PAX5: variants seen among roughly 807,000 people sequenced by gnomAD.
PAX5 encodes the protein paired box protein Pax-5.
Under a neutral mutation model 43.7 loss-of-function variants are expected in PAX5, and 9 were observed. That is an observed-to-expected ratio of 0.21 (90% CI 0.12 to 0.36). The LOEUF (loss-of-function observed/expected upper bound fraction) is 0.36, where lower values mean the gene tolerates loss of function less well. Among genes scored for constraint, PAX5 ranks in the 10% least tolerant of loss-of-function variants. The probability of loss-of-function intolerance (pLI) is 1.00; values close to 1 mark genes in which losing one functional copy is unlikely to be tolerated. For synonymous variants in PAX5, 228 were observed against 214.3 expected, an observed-to-expected ratio of 1.06 and a Z score of -0.56; for missense variants, 383 against 532.7, an observed-to-expected ratio of 0.72 and a Z score of 2.77.
At chr9:37,023,731 C>T (rs914229284) in intron 1 of PAX5, among the ~76,000 whole-genome samples, 1 of 152,076 alleles carries the variant, frequency 6.6e-6, no homozygotes, top group Admixed American at 6.5e-5. Flanking sequence ...ACTTTGCTGA[C>T]TCAGCCACAG....
chr9:36,921,628 A>T (rs1308076620), intron 7 of PAX5, among the ~76,000 whole-genome samples: 2 of 152,232 alleles, frequency 1.3e-5, no homozygotes, highest in Non-Finnish European at 2.9e-5. Flanking sequence ...AAGTGAGTTC[A>T]CTTAGCACAG....
chr9:36,887,210 T>C (rs1416859482), intron 7 of PAX5, among the ~76,000 whole-genome samples: 1 of 152,166 alleles, frequency 6.6e-6, no homozygotes. Flanking sequence ...AAACATTCTA[T>C]GAAGTCTTTA....
chr9:36,900,355 C>T (rs1396272078), intron 7 of PAX5, among the ~76,000 whole-genome samples: 1 of 152,170 alleles, frequency 6.6e-6, no homozygotes, highest in African/African-American at 2.4e-5. Flanking sequence ...TTGTGTGAAC[C>T]AAAGGGTCTG....
In PAX5 at chr9:37,003,047, C is replaced by T. The variant is rs751307144; in HGVS notation, c.476-271G>A. 7.3e-5 allele frequency among the ~76,000 whole-genome samples: 11 copies of T among 150,884 alleles called. 1 individual carries two copies. In the Admixed American group the frequency reaches 7.3e-4, roughly 10 times the overall value. ...CCCTGCAGAAAGGAACACGGGGACACGGGGACAGGAAGGGCTTTCGCTTAA... is the reference window on the plus strand; with the variant it reads ...CCCTGCAGAAAGGAACACGGGGACATGGGGACAGGAAGGGCTTTCGCTTAA... On this transcript the variant is annotated intron_variant, in intron 4 of 9. Coordinates refer to ENST00000358127, the MANE Select transcript of PAX5 (RefSeq NM_016734.3).
chr9:37,027,484 C>A (rs980501817), intron 1 of PAX5, among the ~76,000 whole-genome samples: 1 of 152,244 alleles, frequency 6.6e-6, no homozygotes, highest in Non-Finnish European at 1.5e-5. Flanking sequence ...CCGGGACGGC[C>A]GCCGTGCCTG....
intron 8 of PAX5, among the ~76,000 whole-genome samples, chr9:36,878,560 G>A (rs1214052462): frequency 6.6e-6 from 1 of 152,220 alleles, no homozygotes; most frequent in Non-Finnish European, 1.5e-5. Flanking sequence ...ACTGATGGGT[G>A]AGAGTCCAAG....
intron 6 of PAX5, 82 bp from the exon 7 acceptor site, chr9:36,923,566 CCACCAAGCTGAG>C: frequency 1.3e-6 from 2 of 1,509,490 alleles, no homozygotes; most frequent in African/African-American, 1.4e-5. Flanking sequence ...CTGAGCTCAG[CCACCAAGCTGAG>C]TTAGTCCATG....
chr9:36,938,927 CCT>C (rs1563988643), intron 6 of PAX5, among the ~76,000 whole-genome samples: 1 of 152,222 alleles, frequency 6.6e-6, no homozygotes, highest in Admixed American at 6.5e-5. Flanking sequence ...CCCAGACCCT[CCT>C]CTCTCAGCCA....
At chr9:36,927,074 G>A (rs779728401) in intron 6 of PAX5, among the ~76,000 whole-genome samples, 6 of 152,148 alleles carry the variant, frequency 3.9e-5, no homozygotes, top group South Asian at 2.1e-4. Flanking sequence ...ATAGTTAGAG[G>A]GGGTGCAAGC....
intron 2 of PAX5, 32 bp downstream of exon 2, chr9:37,020,604 G>C: frequency 2.5e-6 from 4 of 1,609,554 alleles, no homozygotes; most frequent in Non-Finnish European, 3.4e-6. Flanking sequence ...TTATTTGAAA[G>C]ATCAAGGGAA....
chr9:36,955,584 T>C (rs1229515274), intron 6 of PAX5, among the ~76,000 whole-genome samples: 1 of 151,970 alleles, frequency 6.6e-6, no homozygotes, highest in Non-Finnish European at 1.5e-5. Flanking sequence ...CACTCCTATA[T>C]ATCACACAAT....
intron 8 of PAX5, among the ~76,000 whole-genome samples, chr9:36,852,010 G>A (rs980797250): frequency 6.6e-6 from 1 of 152,144 alleles, no homozygotes; most frequent in Non-Finnish European, 1.5e-5. Context: ...TGTGGCTTTG[G>A]GTACATGCAT....
Position 36,882,149 on chromosome 9 carries a change from G to T in PAX5, c.911-44C>A. 1 of 1,473,524 alleles carries T rather than the reference G, an allele frequency of 6.8e-7. No homozygotes were observed. Among genetic ancestry groups the T allele is most frequent in the Non-Finnish European group, 9.2e-7 (1 of 1,082,758 alleles). The allele number at this position is 1,473,524 out of a possible 1,614,324, so 91.3% of individuals were successfully genotyped here. Reference sequence around the variant, plus strand: ...AAATCACAGGGTGAGCATCTTCGCGGCCAGCCGCTCATGTCCACAGCTCCC... The same window carrying T: ...AAATCACAGGGTGAGCATCTTCGCGTCCAGCCGCTCATGTCCACAGCTCCC... On this transcript the variant is annotated intron_variant, in intron 7 of 9. Coordinates refer to ENST00000358127, the MANE Select transcript of PAX5 (RefSeq NM_016734.3). This position sits in a 1 kb window ranked among gnomAD's most constrained non-coding sequence, Gnocchi z 4.4.
At chr9:36,959,519 A>G (rs560989192) in intron 6 of PAX5, among the ~76,000 whole-genome samples, 2 of 152,262 alleles carry the variant, frequency 1.3e-5, no homozygotes, top group African/African-American at 2.4e-5. Flanking sequence ...CACAAACTCT[A>G]CTTTTGCAAA....
At chr9:36,860,235 G>A (rs1275530063) in intron 8 of PAX5, among the ~76,000 whole-genome samples, 1 of 152,064 alleles carries the variant, frequency 6.6e-6, no homozygotes, top group Non-Finnish European at 1.5e-5. Context: ...TACTCAGGAG[G>A]CTGAGGGAGG....
rs920634375 is a variant in PAX5 at position 36,997,361 on chromosome 9, G to A, written c.604+5287C>T. Among the ~76,000 whole-genome samples the A allele has an allele frequency of 1.9e-4, 29 of 152,188 alleles. 1 individual carries two copies. The highest frequency in any genetic ancestry group is 3.4e-4 in the Non-Finnish European group (23 of 68,026). Reference sequence around the variant, plus strand: ...AACTGGTGAAAGGGATTCGCACTCCGCTGACCTCAGTGTGTTCAGGGCCTT... The same window carrying A: ...AACTGGTGAAAGGGATTCGCACTCCACTGACCTCAGTGTGTTCAGGGCCTT... On this transcript the variant is annotated intron_variant, in intron 5 of 9. Transcript: ENST00000358127.
intron 8 of PAX5, among the ~76,000 whole-genome samples, chr9:36,864,797 G>A (rs1394793447): frequency 6.6e-6 from 1 of 152,242 alleles, no homozygotes; most frequent in African/African-American, 2.4e-5. Flanking sequence ...GCCCCTCGGA[G>A]CCCCTCCTGG....
chr9:37,002,420 T>C (rs1437357580), intron 5 of PAX5, among the ~76,000 whole-genome samples: 1 of 152,182 alleles, frequency 6.6e-6, no homozygotes, highest in Non-Finnish European at 1.5e-5. Flanking sequence ...GGGGTGACCA[T>C]GGGGGAGGCC....
chr9:36,927,569 C>T (rs1171997467), intron 6 of PAX5, among the ~76,000 whole-genome samples: 1 of 152,140 alleles, frequency 6.6e-6, no homozygotes, highest in Admixed American at 6.5e-5. Flanking sequence ...AGCGGGAGGT[C>T]CGAAAATCCA....
Sources: gnomAD v4.1 joint callset for allele counts (sites outside exome capture counted in the v4.1 genomes callset) on GRCh38, gnomAD v4.1.1 for gene constraint, Gnocchi (gnomAD v3.1) non-coding constraint, MANE v1.5 for transcripts, NCBI Gene and HGNC (gene_info 2026-07-23, HGNC 2026-07-21) for gene names.